FAM13A: variants seen among roughly 807,000 people sequenced by gnomAD.
FAM13A encodes the protein protein FAM13A.
FAM13A carries 76 observed loss-of-function variants against 129.6 expected under a neutral mutation model. The ratio of observed to expected loss-of-function variants is 0.59; its 90% CI spans 0.49 to 0.71. The LOEUF (loss-of-function observed/expected upper bound fraction) is 0.71. Ranked by LOEUF, FAM13A falls within the 30% of genes least tolerant of loss-of-function variation. The pLI is 0.00. For missense variants in FAM13A, 1,108 were observed against 1,249.3 expected (o/e 0.89, Z 1.70); for synonymous variants, 443 against 449.9 (o/e 0.98, Z 0.20).
At chr4:88,900,884 C>T (rs1279188319) in intron 6 of FAM13A, among the ~76,000 whole-genome samples, 1 of 152,096 alleles carries the variant, frequency 6.6e-6, no homozygotes, top group Non-Finnish European at 1.5e-5. Flanking sequence ...CATCAGTATG[C>T]TGTCTTCAAA....
At chr4:88,924,465 A>G (rs1751733762) in intron 5 of FAM13A, among the ~76,000 whole-genome samples, 1 of 152,242 alleles carries the variant, frequency 6.6e-6, no homozygotes, top group Non-Finnish European at 1.5e-5. Context: ...AGGGTTCCCT[A>G]TTTAATAAAT....
In FAM13A at chr4:89,057,100, C is replaced by G. The variant is rs1416243329; in HGVS notation, c.-136G>C. 6.7e-7 allele frequency: 1 copy of G among 1,488,148 alleles called. No homozygotes were observed. The highest frequency in any genetic ancestry group is 8.9e-7 in the Non-Finnish European group (1 of 1,122,144). 92.2% of individuals were successfully genotyped at this position (1,488,148 alleles called of 1,614,324 possible). On this transcript the variant is annotated 5_prime_UTR_variant, in exon 1 of 24. Transcript: ENST00000264344. ...CCCAATGCAAAGGCCCCAAGGTAAGCGAAGAGCAGCTTCTAACATTTTAGG... is the reference window on the plus strand; with the variant it reads ...CCCAATGCAAAGGCCCCAAGGTAAGGGAAGAGCAGCTTCTAACATTTTAGG...
chr4:88,911,865 C>A (rs1579238003), intron 5 of FAM13A, among the ~76,000 whole-genome samples: 1 of 152,198 alleles, frequency 6.6e-6, no homozygotes, highest in Admixed American at 6.5e-5. Flanking sequence ...CCCTTCATAG[C>A]AAATTCCTTT....
intron 1 of FAM13A, among the ~76,000 whole-genome samples, chr4:89,046,712 G>A (rs886445461): frequency 1.3e-5 from 2 of 152,086 alleles, no homozygotes; most frequent in African/African-American, 2.4e-5. Context: ...TTAGCCGGGT[G>A]TAGAGGCATG....
At chr4:88,822,867 A>G (rs1732286732) in intron 7 of FAM13A, 1 of 1,506,912 alleles carries the variant, frequency 6.6e-7, no homozygotes, top group South Asian at 1.3e-5. Flanking sequence ...AACGGACTCT[A>G]CACACTTTGC....
chr4:88,893,545 C>T (rs370943266), intron 6 of FAM13A, among the ~76,000 whole-genome samples: 4 of 151,530 alleles, frequency 2.6e-5, no homozygotes, highest in East Asian at 1.9e-4. Context: ...ATGGCGTGAA[C>T]CCAGGAGGCG....
chr4:88,733,084 A>C (rs1309936251), intron 21 of FAM13A, among the ~76,000 whole-genome samples: 1 of 152,220 alleles, frequency 6.6e-6, no homozygotes, highest in Admixed American at 6.5e-5. Context: ...AGCCACATAA[A>C]AAATGGTATG....
At chr4:89,026,568 T>C (rs1298820197) in intron 2 of FAM13A, among the ~76,000 whole-genome samples, 2 of 152,162 alleles carry the variant, frequency 1.3e-5, no homozygotes, top group African/African-American at 2.4e-5. Flanking sequence ...CTTACAATCA[T>C]GGCAGAAGGC....
At chr4:88,986,337 T>A (rs1397289948) in intron 4 of FAM13A, among the ~76,000 whole-genome samples, 1 of 152,178 alleles carries the variant, frequency 6.6e-6, no homozygotes, top group Non-Finnish European at 1.5e-5. Flanking sequence ...TTTCACCATG[T>A]TGGCCAGGCT....
At position 88,749,080 on chromosome 4, in the gene FAM13A, A is replaced by G. The variant is rs1207177565; in HGVS notation, c.2080-47T>C. The G allele has an allele frequency of 5.2e-6, 7 of 1,353,136 alleles. 1 individual carries two copies. In the Admixed American group the frequency reaches 1.2e-4, roughly 23 times the overall value. 83.8% of individuals were successfully genotyped at this position (1,353,136 alleles called of 1,614,324 possible). ...TAAATGCTTTGGAACTGGAGCAGGGAAAGTAAGAAGTGTTTGATGATCATT... is the reference window on the plus strand; with the variant it reads ...TAAATGCTTTGGAACTGGAGCAGGGGAAGTAAGAAGTGTTTGATGATCATT... On this transcript the variant is annotated intron_variant, in intron 16 of 23. Coordinates refer to ENST00000264344, the MANE Select transcript of FAM13A (RefSeq NM_014883.4).
chr4:88,960,156 T>C (rs890867178), intron 4 of FAM13A, among the ~76,000 whole-genome samples: 3 of 152,194 alleles, frequency 2.0e-5, no homozygotes, highest in Non-Finnish European at 2.9e-5. Flanking sequence ...TGTGGAAATA[T>C]CTATACCAAG....
At chr4:88,750,341 A>C (rs1742303747) in intron 15 of FAM13A, 83 bp downstream of exon 15, 1 of 1,168,096 alleles carries the variant, frequency 8.6e-7, no homozygotes, top group African/African-American at 1.5e-5. Context: ...AATTAAAAAA[A>C]ATTATTCACT....
At chr4:88,790,699 G>C in intron 8 of FAM13A, 72 bp from the exon 9 acceptor site, 1 of 1,305,778 alleles carries the variant, frequency 7.7e-7, no homozygotes, top group South Asian at 1.2e-5. Flanking sequence ...CATGTGAAGT[G>C]GATCGCAGGC....
In FAM13A at chr4:89,019,101, G is replaced by A. The variant is rs145955850; in HGVS notation, c.427+1359C>T. 5.9e-3 allele frequency among the ~76,000 whole-genome samples: 891 copies of A among 152,306 alleles called. 11 individuals carry two copies. Among genetic ancestry groups the A allele is most frequent in the African/African-American group, 0.02 (845 of 41,558 alleles). The stretch of plus-strand genomic sequence containing the variant: ...TACAGACAGGTCTCCTTCCCTAGGG[G>A]ATGGCAAGTGGAGGTAGTTAGTGTC... On this transcript the variant is annotated intron_variant, in intron 3 of 23. Transcript: ENST00000264344.
chr4:88,909,143 A>T (rs960689449), intron 5 of FAM13A, among the ~76,000 whole-genome samples: 10 of 152,230 alleles, frequency 6.6e-5, no homozygotes, highest in Admixed American at 5.9e-4. Context: ...ATATCAACAC[A>T]AATGCAAATA....
chr4:88,742,435 T>G (rs1184511507), intron 19 of FAM13A, among the ~76,000 whole-genome samples: 2 of 152,106 alleles, frequency 1.3e-5, no homozygotes, highest in Admixed American at 1.3e-4. Context: ...CTATGGAGAG[T>G]TAAAACTCAT....
At chr4:88,840,006 A>T (rs550933961) in intron 7 of FAM13A, among the ~76,000 whole-genome samples, 46 of 152,366 alleles carry the variant, frequency 3.0e-4, no homozygotes, top group Admixed American at 5.9e-4. Context: ...GTATAGGTTG[A>T]GAGGACGTCA....
At chr4:88,963,895 T>A (rs148852805) in intron 4 of FAM13A, among the ~76,000 whole-genome samples, 16 of 152,286 alleles carry the variant, frequency 1.1e-4, no homozygotes, top group African/African-American at 3.6e-4. Flanking sequence ...AGCTGATGGG[T>A]GTGTCACTGA....
intron 5 of FAM13A, among the ~76,000 whole-genome samples, chr4:88,922,550 C>A (rs1223194975): frequency 6.6e-6 from 1 of 151,870 alleles, no homozygotes; most frequent in Non-Finnish European, 1.5e-5. Context: ...ACATTCAAAG[C>A]AGTGTGTAGA....
Sources: allele counts gnomAD v4.1 joint callset (sites outside exome capture counted in the v4.1 genomes callset), GRCh38; gene constraint gnomAD v4.1.1; transcripts MANE v1.5; gene names NCBI Gene and HGNC (gene_info 2026-07-23, HGNC 2026-07-21).